The following CDH10 variants were observed in gnomAD, a reference collection of about 807,000 sequenced individuals.
CDH10 encodes cadherin-10.
CDH10 carries 30 observed loss-of-function variants against 73.1 expected under a neutral mutation model. That is an observed-to-expected ratio of 0.41 (90% CI 0.31 to 0.56). The LOEUF is 0.56. Ranked by LOEUF, CDH10 falls within the 20% of genes least tolerant of loss-of-function variation. CDH10 has a pLI of 0.27. For missense variants in CDH10, 815 were observed against 973.7 expected (o/e 0.84, Z 2.17); for synonymous variants, 345 against 348.2 (o/e 0.99, Z 0.10).
chr5:24,560,790 T>G (rs1744933473), intron 2 of CDH10, among the ~76,000 whole-genome samples: 1 of 152,110 alleles, frequency 6.6e-6, no homozygotes, highest in Non-Finnish European at 1.5e-5. Context: ...GTATTGCTGA[T>G]AGATAGATGT....
intron 7 of CDH10, among the ~76,000 whole-genome samples, chr5:24,508,203 G>A (rs1309243631): frequency 6.6e-6 from 1 of 152,096 alleles, no homozygotes; most frequent in Non-Finnish European, 1.5e-5. Context: ...AATACAAAAT[G>A]GACTAATGGA....
chr5:24,639,766 T>C (rs1234940265), intron 1 of CDH10, among the ~76,000 whole-genome samples: 2 of 151,870 alleles, frequency 1.3e-5, no homozygotes, highest in Non-Finnish European at 3.0e-5. Context: ...TTTATGTTTA[T>C]TTTAAAAATC....
chr5:24,505,097 TA>T lies in CDH10; in HGVS notation c.1393+14del. On this transcript the variant is annotated intron_variant, in intron 8 of 11. Transcript: ENST00000264463. The stretch of plus-strand genomic sequence containing the variant: ...CATATCTAGATATATGTTAGATACA[TA>T]AAATTCATCTTACTGATTTCAGCAG... 3 of 1,576,218 alleles carry T rather than the reference TA, an allele frequency of 1.9e-6. No homozygotes were observed. Among genetic ancestry groups the T allele is most frequent in the Non-Finnish European group, 2.6e-6 (3 of 1,147,210 alleles).
chr5:24,572,108 T>G (rs550098842), intron 2 of CDH10, among the ~76,000 whole-genome samples: 2 of 152,270 alleles, frequency 1.3e-5, no homozygotes, highest in African/African-American at 4.8e-5. Flanking sequence ...TTGTCTAGAT[T>G]TCTTTTGTGA....
chr5:24,518,884 C>CTTTTTTTT (rs36019861), intron 5 of CDH10, among the ~76,000 whole-genome samples: 2 of 77,430 alleles, frequency 2.6e-5, no homozygotes, highest in Non-Finnish European at 4.7e-5. Flanking sequence ...GACATGTGCA[C>CTTTTTTTT]TTTTTTTTTT....
chr5:24,620,755 C>A (rs1747288786), intron 1 of CDH10, among the ~76,000 whole-genome samples: 2 of 151,912 alleles, frequency 1.3e-5, no homozygotes, highest in South Asian at 4.2e-4. Context: ...TTCTCATTGC[C>A]CCTGTTTTGT....
chr5:24,585,349 C>T (rs1047552583), intron 2 of CDH10, among the ~76,000 whole-genome samples: 7 of 152,128 alleles, frequency 4.6e-5, no homozygotes, highest in African/African-American at 1.7e-4. Context: ...TTCCTTGGAA[C>T]GTTTTGCTTC....
chr5:24,594,972 T>C (rs1746321697), intron 1 of CDH10, among the ~76,000 whole-genome samples: 1 of 151,990 alleles, frequency 6.6e-6, no homozygotes, highest in African/African-American at 2.4e-5. Flanking sequence ...TGCAAGTCAA[T>C]GCAAATATTT....
chr5:24,595,127 C>G (rs998515939), intron 1 of CDH10, among the ~76,000 whole-genome samples: 6 of 150,368 alleles, frequency 4.0e-5, no homozygotes, highest in Non-Finnish European at 7.4e-5. Context: ...GTGTGTGTGT[C>G]TATTGTCTTT....
At chr5:24,565,531 T>C (rs967952277) in intron 2 of CDH10, among the ~76,000 whole-genome samples, 3 of 152,154 alleles carry the variant, frequency 2.0e-5, no homozygotes, top group African/African-American at 7.2e-5. Flanking sequence ...AACATCTTCA[T>C]AGATAAGAAG....
At chr5:24,560,550 T>G (rs1302835947) in intron 2 of CDH10, among the ~76,000 whole-genome samples, 1 of 152,102 alleles carries the variant, frequency 6.6e-6, no homozygotes, top group Non-Finnish European at 1.5e-5. Context: ...TTGATAGATT[T>G]TAAAGGATTT....
At chr5:24,565,157 A>T (rs567379414) in intron 2 of CDH10, among the ~76,000 whole-genome samples, 1 of 152,170 alleles carries the variant, frequency 6.6e-6, no homozygotes, top group East Asian at 1.9e-4. Flanking sequence ...AATAGAACTG[A>T]ATTGTTTAGG....
At chr5:24,536,869 T>C (rs1414781167) in intron 3 of CDH10, among the ~76,000 whole-genome samples, 2 of 152,020 alleles carry the variant, frequency 1.3e-5, no homozygotes, top group African/African-American at 4.8e-5. Context: ...CAGAGTTTTA[T>C]ACATAATAAT....
chr5:24,575,348 AAAACAAC>A (rs1183556144), intron 2 of CDH10, among the ~76,000 whole-genome samples: 3 of 126,204 alleles, frequency 2.4e-5, no homozygotes, highest in Non-Finnish European at 4.9e-5. Context: ...GGCAACAACA[AAAACAAC>A]AAAAAAAAAA....
rs144393885 is a variant in CDH10, at chr5:24,644,801, G to T, written c.-331C>A. On this transcript the variant is annotated 5_prime_UTR_variant, in exon 1 of 12. Coordinates refer to ENST00000264463, the MANE Select transcript of CDH10 (RefSeq NM_006727.5). ...AACGGGGGCGAGCTCTCTCTGATTG[G>T]CTTTCATTCAGTGCTTCTGATTAAG... is the stretch of plus-strand genomic sequence containing the variant. The T allele has an allele frequency of 6.7e-6, 1 of 149,536 alleles. No homozygotes were observed. The highest frequency in any genetic ancestry group is 2.5e-5 in the African/African-American group (1 of 40,714). 9.3% of individuals were successfully genotyped at this position (149,536 alleles called of 1,614,324 possible).
chr5:24,525,977 T>C (rs1743517925), intron 5 of CDH10, among the ~76,000 whole-genome samples: 1 of 152,044 alleles, frequency 6.6e-6, no homozygotes, highest in Non-Finnish European at 1.5e-5. Context: ...TAAAAGCATA[T>C]AGGATTCAGC....
intron 1 of CDH10, among the ~76,000 whole-genome samples, chr5:24,643,298 A>T (rs978893659): frequency 6.6e-6 from 1 of 152,106 alleles, no homozygotes; most frequent in Non-Finnish European, 1.5e-5. Flanking sequence ...TCTGTCAATG[A>T]CATAATGTTT....
intron 2 of CDH10, among the ~76,000 whole-genome samples, chr5:24,561,524 A>C (rs1340101645): frequency 1.3e-5 from 2 of 152,072 alleles, no homozygotes; most frequent in Non-Finnish European, 2.9e-5. Context: ...TCGCGACCCT[A>C]CTGCATTTTT....
At chr5:24,535,321 T>C (rs762052713) in intron 4 of CDH10, 42 bp from the exon 5 acceptor site, 2 of 1,536,760 alleles carry the variant, frequency 1.3e-6, no homozygotes, top group Admixed American at 4.1e-5. Context: ...TTCACTGAAA[T>C]CTCCATTGTT....
Sources: allele counts gnomAD v4.1 joint callset (sites outside exome capture counted in the v4.1 genomes callset), GRCh38; gene constraint gnomAD v4.1.1; transcripts MANE v1.5; gene names NCBI Gene and HGNC (gene_info 2026-07-23, HGNC 2026-07-21).